AFG2A: variants seen among roughly 807,000 people sequenced by gnomAD.
The protein encoded by AFG2A is ATPase family gene 2 protein homolog A.
At chr4:123,047,905 A>G in the AFG2A span, among the ~76,000 whole-genome samples, 1 of 151,922 alleles carries the variant, frequency 6.6e-6, no homozygotes, top group African/African-American at 2.4e-5. Flanking sequence ...GGGTCTTGAT[A>G]TGTTGCGCAG....
chr4:123,139,015 A>G, the AFG2A span, among the ~76,000 whole-genome samples: 23 of 152,056 alleles, frequency 1.5e-4, no homozygotes, highest in African/African-American at 5.6e-4. Flanking sequence ...CCTATTAACC[A>G]TGTGGTTTTA....
At chr4:123,163,480 C>T in the AFG2A span, among the ~76,000 whole-genome samples, 1 of 152,126 alleles carries the variant, frequency 6.6e-6, no homozygotes, top group Non-Finnish European at 1.5e-5. Context: ...TGCCTGTCTA[C>T]TCCACAAGTT....
At chr4:123,223,423 T>G in the AFG2A span, among the ~76,000 whole-genome samples, 1 of 152,146 alleles carries the variant, frequency 6.6e-6, no homozygotes, top group East Asian at 1.9e-4. Flanking sequence ...AAAAAATACC[T>G]GAGATGGGGT....
chr4:123,103,878 A>G, the AFG2A span, among the ~76,000 whole-genome samples: 1 of 152,312 alleles, frequency 6.6e-6, no homozygotes, highest in African/African-American at 2.4e-5. Flanking sequence ...TGCTAAGTAA[A>G]AATAGTCAGA....
At chr4:123,177,727 C>G in the AFG2A span, among the ~76,000 whole-genome samples, 1 of 152,182 alleles carries the variant, frequency 6.6e-6, no homozygotes, top group South Asian at 2.1e-4. Flanking sequence ...CTCAGCTCTT[C>G]CAACGTGAAT....
chr4:123,034,385 A>C, the AFG2A span, among the ~76,000 whole-genome samples: 1 of 152,080 alleles, frequency 6.6e-6, no homozygotes, highest in African/African-American at 2.4e-5. Context: ...CTCTCCAACC[A>C]TGAGAAAAAT....
the AFG2A span, among the ~76,000 whole-genome samples, chr4:123,290,868 G>A: frequency 2.6e-5 from 4 of 152,274 alleles, no homozygotes; most frequent in East Asian, 7.7e-4. Flanking sequence ...CAGCCTCAAT[G>A]ATCCATCTAC....
chr4:123,111,666 A>G, the AFG2A span, among the ~76,000 whole-genome samples: 1 of 152,202 alleles, frequency 6.6e-6, no homozygotes, highest in Non-Finnish European at 1.5e-5. Flanking sequence ...AAGATGTTTC[A>G]TTCATACTTT....
chr4:122,928,157 G>A, the AFG2A span, among the ~76,000 whole-genome samples: 2 of 152,108 alleles, frequency 1.3e-5, no homozygotes, highest in Admixed American at 6.5e-5. Context: ...TGTTGCCTCC[G>A]GCGATAGTGA....
chr4:123,049,159 A>G, the AFG2A span, among the ~76,000 whole-genome samples: 226 of 152,296 alleles, frequency 1.5e-3, 2 homozygotes, highest in African/African-American at 4.9e-3. Flanking sequence ...GCAGTGTTCA[A>G]TGTTTATTGA....
chr4:123,303,589 A>G, the AFG2A span, among the ~76,000 whole-genome samples: 1 of 152,010 alleles, frequency 6.6e-6, no homozygotes, highest in Admixed American at 6.5e-5. Flanking sequence ...ACATGGTAAG[A>G]CTTCATCTCT....
chr4:123,278,009 C>T, the AFG2A span, among the ~76,000 whole-genome samples: 3 of 152,172 alleles, frequency 2.0e-5, no homozygotes, highest in Admixed American at 2.0e-4. Context: ...GAGAGGGATC[C>T]CTCCTCCCTA....
the AFG2A span, among the ~76,000 whole-genome samples, chr4:123,020,044 C>CT: frequency 1.3e-5 from 2 of 152,032 alleles, no homozygotes; most frequent in Non-Finnish European, 2.9e-5. Context: ...CCCATCAAGG[C>CT]TTTTTTTGTT....
chr4:123,125,866 C>T, the AFG2A span, among the ~76,000 whole-genome samples: 1 of 152,110 alleles, frequency 6.6e-6, no homozygotes, highest in Non-Finnish European at 1.5e-5. Flanking sequence ...ATTACCATTA[C>T]TCTTCTGGTT....
At chr4:123,316,564 G>A in the AFG2A span, 4 of 152,140 alleles carry the variant, frequency 2.6e-5, no homozygotes, top group African/African-American at 9.7e-5. Flanking sequence ...TAAATATATG[G>A]CTAAGGGCAC....
chr4:123,281,024 A>G, the AFG2A span, among the ~76,000 whole-genome samples: 12 of 151,968 alleles, frequency 7.9e-5, no homozygotes, highest in East Asian at 1.9e-3. Context: ...CTTTTTTTTA[A>G]TGTTATTTTA....
the AFG2A span, among the ~76,000 whole-genome samples, chr4:123,223,223 T>C: frequency 6.6e-6 from 1 of 152,206 alleles, no homozygotes; most frequent in African/African-American, 2.4e-5. Context: ...TCTTTGATTA[T>C]AGCCATGCTG....
At chr4:123,227,234 A>G in the AFG2A span, among the ~76,000 whole-genome samples, 1 of 151,652 alleles carries the variant, frequency 6.6e-6, no homozygotes. Context: ...GATCTTAGTT[A>G]TTTCTTGCCT....
chr4:123,049,830 A>G, the AFG2A span, among the ~76,000 whole-genome samples: 1 of 150,772 alleles, frequency 6.6e-6, no homozygotes, highest in Non-Finnish European at 1.5e-5. Context: ...TCTGCTCTTT[A>G]TTATTTGTTT....
Sources: gnomAD v4.1 joint callset for allele counts (sites outside exome capture counted in the v4.1 genomes callset) on GRCh38, gnomAD v4.1.1 for gene constraint, MANE v1.5 for transcripts, NCBI Gene and HGNC (gene_info 2026-07-23, HGNC 2026-07-21) for gene names.